CBFA2T2: variants seen among roughly 807,000 people sequenced by gnomAD.
CBFA2T2 encodes the protein protein CBFA2T2.
A neutral mutation model predicts 62.2 loss-of-function variants in CBFA2T2; 11 were observed. That is an observed-to-expected ratio of 0.18 (90% confidence interval 0.11 to 0.29). The LOEUF (loss-of-function observed/expected upper bound fraction) is 0.29. CBFA2T2 is among the 10% of genes least tolerant of loss of function. The pLI, the probability that CBFA2T2 is intolerant of heterozygous loss-of-function variation, is 1.00. For missense variants in CBFA2T2, 592 were observed against 774.1 expected (o/e 0.76, Z 2.79); for synonymous variants, 295 against 287.5 (o/e 1.03, Z -0.27).
intron 8 of CBFA2T2, 57 bp from the exon 9 acceptor site, chr20:33,636,583 T>C (rs2016640065): frequency 7.7e-7 from 1 of 1,305,780 alleles, no homozygotes; most frequent in Non-Finnish European, 1.1e-6. Flanking sequence ...TGATCAAAAA[T>C]AAAACTGCTG....
At chr20:33,608,963 C>T (rs934100970) in intron 2 of CBFA2T2, among the ~76,000 whole-genome samples, 2 of 152,214 alleles carry the variant, frequency 1.3e-5, no homozygotes, top group Middle Eastern at 3.4e-3. Context: ...GTTCAACTTT[C>T]CTTTCATTAG....
At chr20:33,509,237 C>A (rs2011461213) in intron 1 of CBFA2T2, among the ~76,000 whole-genome samples, 1 of 151,834 alleles carries the variant, frequency 6.6e-6, no homozygotes, top group African/African-American at 2.4e-5. Context: ...TGTGGTGGCA[C>A]ACACCTGTAG....
At chr20:33,570,184 G>A (rs1424037531) in intron 1 of CBFA2T2, among the ~76,000 whole-genome samples, 1 of 152,248 alleles carries the variant, frequency 6.6e-6, no homozygotes, top group Non-Finnish European at 1.5e-5. Flanking sequence ...GGGAGGCTGA[G>A]GCAGGAGAAT....
At chr20:33,640,860 G>A (rs901681778) in intron 10 of CBFA2T2, among the ~76,000 whole-genome samples, 4 of 152,084 alleles carry the variant, frequency 2.6e-5, no homozygotes, top group South Asian at 2.1e-4. Context: ...CAGCATTGAC[G>A]GAGTGGGCTT....
In CBFA2T2 at chr20:33,532,160, TCTTTTC is replaced by T. The variant is rs539128910; in HGVS notation, c.34+41861_34+41866del. ...CTTTGGCCTTATCCCATCAAACACC[TCTTTTC>T]CCCATTTTTAGCTCCTGGTGTGCAC... On this transcript the variant is annotated intron_variant, in intron 1 of 10. Transcript: ENST00000342704. Among the ~76,000 whole-genome samples, 111 of 152,274 alleles carry T rather than the reference TCTTTTC, an allele frequency of 7.3e-4. 1 individual carries two copies. Among genetic ancestry groups the T allele is most frequent in the African/African-American group, 2.6e-3 (106 of 41,550 alleles).
intron 1 of CBFA2T2, among the ~76,000 whole-genome samples, chr20:33,589,006 A>G (rs1205156234): frequency 6.6e-6 from 1 of 152,214 alleles, no homozygotes; most frequent in Non-Finnish European, 1.5e-5. Flanking sequence ...TTCCATAAAT[A>G]CATCCCTTCC....
chr20:33,601,296 G>A (rs1357312292), intron 1 of CBFA2T2, among the ~76,000 whole-genome samples: 1 of 151,886 alleles, frequency 6.6e-6, no homozygotes, highest in African/African-American at 2.4e-5. Context: ...ACAGAGTCTC[G>A]CTCTGTCGCC....
chr20:33,617,496 C>G (rs1299401503), intron 3 of CBFA2T2, among the ~76,000 whole-genome samples: 1 of 152,232 alleles, frequency 6.6e-6, no homozygotes. Flanking sequence ...GTCCATTTCT[C>G]TGGCCTAACT....
chr20:33,538,998 A>G (rs1435642346), intron 1 of CBFA2T2, among the ~76,000 whole-genome samples: 1 of 152,062 alleles, frequency 6.6e-6, no homozygotes, highest in Non-Finnish European at 1.5e-5. Flanking sequence ...ATTCCTCCAC[A>G]TTGGGATCAA....
At chr20:33,504,652 C>CT (rs2011370345) in intron 1 of CBFA2T2, among the ~76,000 whole-genome samples, 1 of 152,074 alleles carries the variant, frequency 6.6e-6, no homozygotes. Flanking sequence ...ATCCACCCAC[C>CT]TTGGCCTCCA....
intron 1 of CBFA2T2, among the ~76,000 whole-genome samples, chr20:33,513,398 CT>C (rs1273205602): frequency 6.8e-6 from 1 of 148,124 alleles, no homozygotes; most frequent in Non-Finnish European, 1.5e-5. Context: ...TCACTCTTGT[CT>C]CCCAGGCTGG....
chr20:33,580,281 C>T (rs553866611), intron 1 of CBFA2T2, among the ~76,000 whole-genome samples: 3 of 152,136 alleles, frequency 2.0e-5, no homozygotes, highest in South Asian at 2.1e-4. Context: ...TTCTGTGTAA[C>T]GCAGTAAGAA....
At chr20:33,595,597 G>T (rs891924963) in intron 1 of CBFA2T2, among the ~76,000 whole-genome samples, 1 of 151,598 alleles carries the variant, frequency 6.6e-6, no homozygotes, top group African/African-American at 2.4e-5. Flanking sequence ...TGTCACCCAG[G>T]CTGAAGTGCA....
intron 1 of CBFA2T2, among the ~76,000 whole-genome samples, chr20:33,592,368 A>G (rs994796060): frequency 9.8e-6 from 1 of 101,562 alleles, no homozygotes; most frequent in Non-Finnish European, 2.0e-5. Context: ...TGTCTCAAAA[A>G]AAATTTTATA....
intron 1 of CBFA2T2, among the ~76,000 whole-genome samples, chr20:33,508,934 G>A (rs1195783852): frequency 6.6e-6 from 1 of 152,210 alleles, no homozygotes; most frequent in Non-Finnish European, 1.5e-5. Flanking sequence ...CGTGTGTGGA[G>A]CACAAACTTA....
intron 8 of CBFA2T2, among the ~76,000 whole-genome samples, chr20:33,635,242 A>C (rs2016594038): frequency 6.6e-6 from 1 of 152,226 alleles, no homozygotes; most frequent in Non-Finnish European, 1.5e-5. Context: ...CAAAACAATT[A>C]AGTGTTAGAT....
At chr20:33,621,400 G>A (rs778801790) in intron 4 of CBFA2T2, among the ~76,000 whole-genome samples, 1 of 146,282 alleles carries the variant, frequency 6.8e-6, no homozygotes, top group Non-Finnish European at 1.5e-5. Context: ...GAGTTCAAGC[G>A]ATTCTTCTGC....
chr20:33,529,049 G>A (rs192749036), intron 1 of CBFA2T2, among the ~76,000 whole-genome samples: 78 of 152,000 alleles, frequency 5.1e-4, no homozygotes, highest in African/African-American at 1.4e-3. Flanking sequence ...TTTTTGAGAC[G>A]GAGTCTTGTT....
chr20:33,496,058 T>A (rs1450138640), intron 1 of CBFA2T2, among the ~76,000 whole-genome samples: 1 of 152,204 alleles, frequency 6.6e-6, no homozygotes, highest in African/African-American at 2.4e-5. Flanking sequence ...TTTAAGTGCT[T>A]TAAGCGTAAG....
Sources: gnomAD v4.1 joint callset for allele counts (sites outside exome capture counted in the v4.1 genomes callset) on GRCh38, gnomAD v4.1.1 for gene constraint, MANE v1.5 for transcripts, NCBI Gene and HGNC (gene_info 2026-07-23, HGNC 2026-07-21) for gene names.